The following LRRN2 variants were observed in gnomAD, a reference collection of about 807,000 sequenced individuals.
The protein encoded by LRRN2 is leucine rich repeat neuronal 2.
In LRRN2, 10 loss-of-function variants were observed where a neutral mutation model predicts 35.7. The observed-to-expected ratio is 0.28, with a 90% confidence interval of 0.17 to 0.47. The LOEUF is 0.47. LRRN2 is among the 20% of genes least tolerant of loss of function. The probability of loss-of-function intolerance (pLI) is 0.99; values close to 1 mark genes in which losing one functional copy is unlikely to be tolerated. For synonymous variants in LRRN2, 391 were observed against 409.6 expected (o/e 0.95, Z 0.55); for missense variants, 731 against 940.3 (o/e 0.78, Z 2.91).
intron 1 of LRRN2, among the ~76,000 whole-genome samples, chr1:204,654,400 A>G (rs555233119): frequency 3.2e-4 from 48 of 152,350 alleles, no homozygotes; most frequent in African/African-American, 9.9e-4. Flanking sequence ...ACGGTGGCCT[A>G]TTTATTAGCT....
intron 1 of LRRN2, among the ~76,000 whole-genome samples, chr1:204,677,334 GC>G (rs1237993936): frequency 2.0e-5 from 3 of 152,076 alleles, no homozygotes; most frequent in Non-Finnish European, 2.9e-5. Flanking sequence ...GGAGAGCATC[GC>G]CCCCCATGTC....
chr1:204,652,153 G>A (rs1436556183), intron 1 of LRRN2, among the ~76,000 whole-genome samples: 2 of 152,228 alleles, frequency 1.3e-5, no homozygotes, highest in African/African-American at 2.4e-5. Context: ...TCAAAACAGC[G>A]GCTGTGAGCC....
At chr1:204,631,982 G>C (rs549552396) in intron 1 of LRRN2, among the ~76,000 whole-genome samples, 117 of 152,340 alleles carry the variant, frequency 7.7e-4, no homozygotes, top group Non-Finnish European at 1.2e-3. Context: ...TCAGTGCTTT[G>C]GGAGGCCAAG....
chr1:204,655,025 G>A (rs992612715), intron 1 of LRRN2, among the ~76,000 whole-genome samples: 1 of 152,202 alleles, frequency 6.6e-6, no homozygotes, highest in African/African-American at 2.4e-5. Context: ...GAGTGTAGCT[G>A]TTCTGAAACT....
intron 1 of LRRN2, among the ~76,000 whole-genome samples, chr1:204,665,195 A>T (rs1668551281): frequency 6.6e-6 from 1 of 152,184 alleles, no homozygotes; most frequent in South Asian, 2.1e-4. Context: ...AAGAAAAAAA[A>T]TTTAAAAAGA....
rs1282306008 is a variant in LRRN2, at chr1:204,631,256, C to CAATATATATATATATATA, written c.-226-11039_-226-11038insTATATATATATATATATT. Among the ~76,000 whole-genome samples, 121 of 36,914 alleles carry CAATATATATATATATATA rather than the reference C, an allele frequency of 3.3e-3. 34 individuals are homozygous for CAATATATATATATATATA. The highest frequency in any genetic ancestry group is 5.8e-3 in the East Asian group (7 of 1,212). 24.2% of individuals were successfully genotyped at this position (36,914 alleles called of 152,430 possible). On this transcript the variant is annotated intron_variant, in intron 1 of 1. Transcript: ENST00000367177. ...CAAGAAGAGTGATACCTAGAGTGTT[C>CAATATATATATATATATA]TATATATATATATATATATATATAT... is the stretch of plus-strand genomic sequence containing the variant.
intron 1 of LRRN2, chr1:204,628,727 T>G (rs1445053322): frequency 1.3e-5 from 2 of 152,192 alleles, no homozygotes; most frequent in Admixed American, 1.3e-4. Flanking sequence ...CCCTGCAGTC[T>G]CCAACCGGGG....
At chr1:204,660,534 T>C (rs1365909731) in intron 1 of LRRN2, among the ~76,000 whole-genome samples, 2 of 150,624 alleles carry the variant, frequency 1.3e-5, no homozygotes, top group African/African-American at 4.9e-5. Context: ...ACTTTCTCCC[T>C]TCTCCCCGCC....
intron 1 of LRRN2, among the ~76,000 whole-genome samples, chr1:204,631,389 T>C (rs1667701606): frequency 6.8e-6 from 1 of 146,370 alleles, no homozygotes; most frequent in Admixed American, 6.9e-5. Flanking sequence ...GGAACTCTTA[T>C]CCATTGAGCA....
chr1:204,681,859 C>T (rs748883304), intron 1 of LRRN2, among the ~76,000 whole-genome samples: 50 of 152,266 alleles, frequency 3.3e-4, no homozygotes, highest in Admixed American at 2.2e-3. Context: ...CTCTTGTCTT[C>T]GGTTTTGTTT....
At chr1:204,631,184 A>C (rs145026636) in intron 1 of LRRN2, among the ~76,000 whole-genome samples, 1 of 142,270 alleles carries the variant, frequency 7.0e-6, no homozygotes, top group East Asian at 2.1e-4. Context: ...ATTGCTGGCT[A>C]GCTCATCTCT....
At chr1:204,630,828 T>G (rs1667673388) in intron 1 of LRRN2, among the ~76,000 whole-genome samples, 1 of 151,990 alleles carries the variant, frequency 6.6e-6, no homozygotes, top group Non-Finnish European at 1.5e-5. Context: ...CTTCCACTCC[T>G]TACCCATCTC....
At chr1:204,654,894 TCCCTTC>T (rs1211980685) in intron 1 of LRRN2, among the ~76,000 whole-genome samples, 1 of 152,142 alleles carries the variant, frequency 6.6e-6, no homozygotes, top group Non-Finnish European at 1.5e-5. Flanking sequence ...AATCAGGACT[TCCCTTC>T]TTGCCACCCC....
chr1:204,630,850 G>C lies in LRRN2; in HGVS notation c.-226-10632C>G, dbSNP rs139725865. The stretch of plus-strand genomic sequence containing the variant: ...TCCTTACCCATCTCCAAAGCCAGAT[G>C]GGGGAAGCAGGGCTGGTAGATGCAG... On this transcript the variant is annotated intron_variant, in intron 1 of 1. Transcript: ENST00000367177. Among the ~76,000 whole-genome samples the C allele has an allele frequency of 5.5e-3, 832 of 152,186 alleles. 3 individuals carry two copies. The highest frequency in any genetic ancestry group is 0.02 in the Middle Eastern group (6 of 294).
rs537830794 is a variant in LRRN2, at chr1:204,618,800, G to A, written c.1193C>T (p.Ala398Val). The A allele has an allele frequency of 3.5e-5, 56 of 1,614,060 alleles. No homozygotes were observed. The highest frequency in any genetic ancestry group is 1.0e-4 in the Admixed American group (6 of 60,024). Reference protein sequence around the residue: ...RFIEPQSTLCAEPPDLQRLPV... With the variant: ...RFIEPQSTLCVEPPDLQRLPV... ...GAGGCGCTGGAGGTCCGGAGGCTCCGCACACAGGGTGGATTGCGGCTCGAT... is the reference window on the plus strand; with the variant it reads ...GAGGCGCTGGAGGTCCGGAGGCTCCACACACAGGGTGGATTGCGGCTCGAT... Residue 398 changes from alanine to valine, a missense_variant, in exon 2 of 2, where the codon GCG becomes GTG. By Grantham distance (64) the Ala-to-Val change is moderately conservative. This residue lies in a region of LRRN2 where 256 missense variants were observed against 392.4 expected (regional missense o/e 0.65). Transcript: ENST00000367177.
At chr1:204,645,891 C>T (rs1268919568) in intron 1 of LRRN2, among the ~76,000 whole-genome samples, 1 of 152,138 alleles carries the variant, frequency 6.6e-6, no homozygotes, top group African/African-American at 2.4e-5. Context: ...CAATTACCAC[C>T]ACTTGGTCCC....
intron 1 of LRRN2, among the ~76,000 whole-genome samples, chr1:204,669,625 A>G (rs1314202119): frequency 6.6e-6 from 1 of 152,208 alleles, no homozygotes; most frequent in Non-Finnish European, 1.5e-5. Context: ...GGGCTACTTG[A>G]GCTGAGATCT....
At chr1:204,672,355 C>T (rs953678820) in intron 1 of LRRN2, among the ~76,000 whole-genome samples, 1 of 152,144 alleles carries the variant, frequency 6.6e-6, no homozygotes, top group Non-Finnish European at 1.5e-5. Flanking sequence ...TCGGGAGGAC[C>T]GGCTAAGATA....
chr1:204,635,066 TG>T (rs2102596733), intron 1 of LRRN2, among the ~76,000 whole-genome samples: 1 of 152,326 alleles, frequency 6.6e-6, no homozygotes, highest in African/African-American at 2.4e-5. Flanking sequence ...ATTGGTCAGG[TG>T]GGCAGGAAGT....
Sources: gnomAD v4.1 joint callset for allele counts (sites outside exome capture counted in the v4.1 genomes callset) on GRCh38, gnomAD v4.1.1 for gene constraint, gnomAD v4.1.1 regional missense constraint, MANE v1.5 for transcripts, NCBI Gene and HGNC (gene_info 2026-07-23, HGNC 2026-07-21) for gene names.